UNC13C: variants seen among roughly 807,000 people sequenced by gnomAD.
UNC13C encodes unc-13 homolog C.
A neutral mutation model predicts 245.4 loss-of-function variants in UNC13C; 174 were observed. The observed-to-expected ratio is 0.71, with a 90% CI of 0.63 to 0.80. The LOEUF (loss-of-function observed/expected upper bound fraction) is 0.80. Ranked by LOEUF, UNC13C falls within the 30% of genes least tolerant of loss-of-function variation. The pLI is 0.00. For synonymous variants in UNC13C, 992 were observed against 895.1 expected, an observed-to-expected ratio of 1.11 and a Z score of -1.93; for missense variants, 2,829 against 2,602.9, an observed-to-expected ratio of 1.09 and a Z score of -1.89.
chr15:54,474,438 T>A (rs1435026844), intron 19 of UNC13C, among the ~76,000 whole-genome samples: 1 of 151,430 alleles, frequency 6.6e-6, no homozygotes, highest in African/African-American at 2.4e-5. Context: ...ATGTTAAGCA[T>A]TTTTTCATAT....
At position 54,509,986 on chromosome 15, in the gene UNC13C, C is replaced by A. The variant is rs370812586; in HGVS notation, c.5380-1767C>A. ...TCAAGTGAGCCAAACTGTCCATGTT[C>A]ATTTTGTTCTCAGTAGCTCTTTTTC... On this transcript the variant is annotated intron_variant, in intron 23 of 32. Coordinates refer to ENST00000260323, the MANE Select transcript of UNC13C (RefSeq NM_001080534.3). Among the ~76,000 whole-genome samples the A allele has an allele frequency of 1.3e-3, 193 of 152,242 alleles. 6 individuals carry two copies. The South Asian group carries it at 0.038, about 30-fold the overall frequency.
At chr15:54,093,790 A>T (rs977833511) in intron 2 of UNC13C, among the ~76,000 whole-genome samples, 2 of 152,210 alleles carry the variant, frequency 1.3e-5, no homozygotes, top group African/African-American at 4.8e-5. Context: ...TTATCAATAC[A>T]TTCTATAACA....
chr15:54,498,337 A>G (rs1894047697), intron 20 of UNC13C, among the ~76,000 whole-genome samples: 1 of 152,156 alleles, frequency 6.6e-6, no homozygotes, highest in Admixed American at 6.6e-5. Context: ...TGTATTATAT[A>G]TTCTTGACAC....
intron 2 of UNC13C, among the ~76,000 whole-genome samples, chr15:54,030,643 G>T (rs1361056276): frequency 6.6e-6 from 1 of 152,148 alleles, no homozygotes; most frequent in Non-Finnish European, 1.5e-5. Flanking sequence ...CTGAGACAGG[G>T]TAATTTATAA....
rs905142707 is a variant in UNC13C at position 54,016,179 on chromosome 15, A to G, written c.2983+293A>G. The stretch of plus-strand genomic sequence containing the variant: ...AATTTAGGCACAAACCCCATTTAAC[A>G]TCAACTAACTTTGTGGCATCAGTTG... On this transcript the variant is annotated intron_variant, in intron 2 of 32. Transcript: ENST00000260323. Among the ~76,000 whole-genome samples, 3 of 152,240 alleles carry G rather than the reference A, an allele frequency of 2.0e-5. No homozygotes were observed. The East Asian group carries it at 5.8e-4, about 29-fold the overall frequency.
At chr15:53,895,378 ATT>A in the UNC13C span, among the ~76,000 whole-genome samples, 1,775 of 150,338 alleles carry the variant, frequency 0.012, 35 homozygotes, top group African/African-American at 0.041. Context: ...AAAGAAAGAA[ATT>A]TTGTGTCATG....
chr15:53,941,371 T>C, the UNC13C span, among the ~76,000 whole-genome samples: 2 of 152,100 alleles, frequency 1.3e-5, no homozygotes, highest in Non-Finnish European at 2.9e-5. Context: ...AATACCACTC[T>C]GGACATAGGC....
At chr15:54,418,559 GA>G (rs2040568577) in intron 19 of UNC13C, among the ~76,000 whole-genome samples, 1 of 152,094 alleles carries the variant, frequency 6.6e-6, no homozygotes, top group African/African-American at 2.4e-5. Context: ...GGCTTTCGAA[GA>G]GATTAGACAC....
the UNC13C span, among the ~76,000 whole-genome samples, chr15:53,888,010 A>T: frequency 6.6e-6 from 1 of 152,144 alleles, no homozygotes; most frequent in South Asian, 2.1e-4. Flanking sequence ...GCTGTAATAA[A>T]CATACGTGTG....
chr15:54,108,054 C>T (rs548031440), intron 2 of UNC13C, among the ~76,000 whole-genome samples: 1 of 152,124 alleles, frequency 6.6e-6, no homozygotes, highest in African/African-American at 2.4e-5. Flanking sequence ...TTTCAAGTGT[C>T]TAACAATATA....
At chr15:53,989,929 G>C (rs976091151) in intron 1 of UNC13C, among the ~76,000 whole-genome samples, 1 of 151,930 alleles carries the variant, frequency 6.6e-6, no homozygotes, top group Non-Finnish European at 1.5e-5. Context: ...AGGAAAAAAT[G>C]GGTGAAGAGT....
chr15:54,598,287 G>T (rs1899212997), intron 30 of UNC13C, among the ~76,000 whole-genome samples: 1 of 152,268 alleles, frequency 6.6e-6, no homozygotes, highest in South Asian at 2.1e-4. Context: ...TAGACACAGG[G>T]TTTCACCATG....
chr15:53,981,005 T>C (rs916218728), intron 1 of UNC13C, among the ~76,000 whole-genome samples: 4 of 152,134 alleles, frequency 2.6e-5, no homozygotes, highest in African/African-American at 7.2e-5. Context: ...CAAATGTATG[T>C]TGGGGCTTAG....
At chr15:54,122,315 G>T (rs1234327093) in intron 2 of UNC13C, among the ~76,000 whole-genome samples, 1 of 151,904 alleles carries the variant, frequency 6.6e-6, no homozygotes, top group East Asian at 1.9e-4. Flanking sequence ...TTCTTAAAAT[G>T]CTTGTGCTTT....
At chr15:54,173,024 G>T (rs1465925199) in intron 4 of UNC13C, among the ~76,000 whole-genome samples, 1 of 151,636 alleles carries the variant, frequency 6.6e-6, no homozygotes, top group East Asian at 1.9e-4. Context: ...TGGCACTTCT[G>T]TTGAGAATGA....
intron 18 of UNC13C, among the ~76,000 whole-genome samples, chr15:54,408,199 C>CAAAAAAAAAAAAAAAAAAA (rs71105808): frequency 2.1e-4 from 6 of 29,124 alleles, no homozygotes; most frequent in African/African-American, 2.6e-4. Context: ...GACTCTGCCT[C>CAAAAAAAAAAAAAAAAAAA]AAAAAAAAAA....
At chr15:54,300,833 C>A (rs1171713953) in intron 13 of UNC13C, among the ~76,000 whole-genome samples, 3 of 152,158 alleles carry the variant, frequency 2.0e-5, no homozygotes, top group Non-Finnish European at 4.4e-5. Flanking sequence ...GTGAGAGAGA[C>A]AGGTCCAGAG....
At chr15:53,990,734 AT>A (rs1226278883) in intron 1 of UNC13C, among the ~76,000 whole-genome samples, 1 of 151,978 alleles carries the variant, frequency 6.6e-6, no homozygotes, top group Non-Finnish European at 1.5e-5. Context: ...GTTATGAAGC[AT>A]TTCCTCAGTG....
chr15:54,003,679 G>C (rs747952779), intron 1 of UNC13C, among the ~76,000 whole-genome samples: 11 of 152,156 alleles, frequency 7.2e-5, no homozygotes, highest in Non-Finnish European at 1.3e-4. Flanking sequence ...AAACAATCCA[G>C]TTATACTCAT....
Sources: allele counts gnomAD v4.1 joint callset (sites outside exome capture counted in the v4.1 genomes callset), GRCh38; gene constraint gnomAD v4.1.1; transcripts MANE v1.5; gene names NCBI Gene and HGNC (gene_info 2026-07-23, HGNC 2026-07-21).